Variants in DOK6 observed in about 807,000 individuals in gnomAD.
The protein encoded by DOK6 is downstream of tyrosine kinase 6.
A neutral mutation model predicts 44.0 loss-of-function variants in DOK6; 22 were observed. The observed-to-expected ratio is 0.50, with a 90% confidence interval of 0.36 to 0.71. The LOEUF is 0.71. Ranked by LOEUF, DOK6 falls within the 30% of genes least tolerant of loss-of-function variation. The probability of loss-of-function intolerance (pLI) is 0.00; values close to 1 mark genes in which losing one functional copy is unlikely to be tolerated. For missense variants in DOK6, 340 were observed against 416.4 expected, an observed-to-expected ratio of 0.82 and a Z score of 1.60; for synonymous variants, 166 against 145.5, an observed-to-expected ratio of 1.14 and a Z score of -1.01.
chr18:69,460,660 A>G (rs1398654695), intron 1 of DOK6, among the ~76,000 whole-genome samples: 1 of 152,240 alleles, frequency 6.6e-6, no homozygotes. Flanking sequence ...ACTCATTGGT[A>G]TGGTAAATTT....
intron 3 of DOK6, among the ~76,000 whole-genome samples, chr18:69,657,082 G>A (rs965976789): frequency 7.9e-5 from 12 of 152,172 alleles, no homozygotes; most frequent in Non-Finnish European, 1.5e-5. Flanking sequence ...ATGCAAATAC[G>A]TAGGTTTTTC....
rs142288386 is a variant in DOK6 at position 69,725,217 on chromosome 18, C to T, written c.600-13748C>T. On this transcript the variant is annotated intron_variant, in intron 5 of 7. Transcript: ENST00000382713. ...AACAAGCGTCAGAATCTTACTCATT[C>T]GGGCAGCTTTCCCGATCACCACCCG... Among the ~76,000 whole-genome samples the T allele has an allele frequency of 2.2e-3, 335 of 152,256 alleles. 3 individuals carry two copies. The highest frequency in any genetic ancestry group is 7.6e-3 in the African/African-American group (317 of 41,546).
At chr18:69,509,403 C>A (rs190751865) in intron 1 of DOK6, among the ~76,000 whole-genome samples, 1 of 151,998 alleles carries the variant, frequency 6.6e-6, no homozygotes, top group East Asian at 1.9e-4. Flanking sequence ...TTTGGGAGGC[C>A]AAGGCGGGCG....
In DOK6 at chr18:69,599,447, G is replaced by T; in HGVS notation, c.238G>T (p.Val80Leu). Residue 80 changes from valine to leucine, a missense_variant, in exon 3 of 8, where the codon GTG becomes TTG. Coordinates refer to ENST00000382713, the MANE Select transcript of DOK6 (RefSeq NM_152721.6). The stretch of plus-strand genomic sequence containing the variant: ...GCCCCGAGAGACAAAGAAGCATGCG[G>T]TGGCAATCATCTTTCACGATGAAAC... ...RLPRETKKHAVAIIFHDETSK... is the reference protein window; with the variant it reads ...RLPRETKKHALAIIFHDETSK... The T allele has an allele frequency of 6.2e-7, 1 of 1,613,970 alleles. No individual in the cohort carries two copies.
intron 4 of DOK6, among the ~76,000 whole-genome samples, chr18:69,691,566 G>A (rs1986268653): frequency 6.6e-6 from 1 of 152,160 alleles, no homozygotes; most frequent in Non-Finnish European, 1.5e-5. Context: ...CTGAGTTTGG[G>A]GAAGTAGTGG....
At chr18:69,717,402 A>G (rs1444207511) in intron 5 of DOK6, among the ~76,000 whole-genome samples, 1 of 152,248 alleles carries the variant, frequency 6.6e-6, no homozygotes, top group Admixed American at 6.5e-5. Context: ...ATGGTACTTA[A>G]TAAGTGCTTA....
intron 5 of DOK6, among the ~76,000 whole-genome samples, chr18:69,702,255 T>C (rs913601320): frequency 2.0e-5 from 3 of 151,728 alleles, no homozygotes; most frequent in Non-Finnish European, 4.4e-5. Context: ...ACTACTGATA[T>C]CTGTCCTGCA....
intron 2 of DOK6, among the ~76,000 whole-genome samples, chr18:69,568,134 A>G (rs557960277): frequency 1.3e-5 from 2 of 152,226 alleles, no homozygotes; most frequent in South Asian, 4.1e-4. Flanking sequence ...CCCATGTTCA[A>G]CTGCAAAACT....
intron 3 of DOK6, among the ~76,000 whole-genome samples, chr18:69,643,213 A>G (rs776948573): frequency 1.2e-4 from 19 of 152,246 alleles, no homozygotes; most frequent in Non-Finnish European, 1.3e-4. Flanking sequence ...AAACTATAGT[A>G]TAATATCCTC....
Position 69,843,776 on chromosome 18 carries a change from G to A in DOK6, c.*2393G>A, listed in dbSNP as rs1982288008. 1 of 152,234 alleles carries A rather than the reference G, an allele frequency of 6.6e-6. No homozygotes were observed. Among genetic ancestry groups the A allele is most frequent in the South Asian group, 2.1e-4 (1 of 4,826 alleles). 9.4% of individuals were successfully genotyped at this position (152,234 alleles called of 1,614,324 possible). On this transcript the variant is annotated 3_prime_UTR_variant, in exon 8 of 8. Coordinates refer to ENST00000382713, the MANE Select transcript of DOK6 (RefSeq NM_152721.6). ...GATGTCGTAAAAAGAGTATGTGTGA[G>A]AGAAATCTCCTTCCCAAGTTTTTAA...
chr18:69,415,599 T>A (rs2122397030), intron 1 of DOK6, among the ~76,000 whole-genome samples: 1 of 152,254 alleles, frequency 6.6e-6, no homozygotes, highest in East Asian at 1.9e-4. Flanking sequence ...CAAAGTCTGA[T>A]ACAGTGAGTG....
At chr18:69,603,726 G>A (rs1375551550) in intron 3 of DOK6, among the ~76,000 whole-genome samples, 9 of 135,684 alleles carry the variant, frequency 6.6e-5, no homozygotes, top group Admixed American at 4.4e-4. Flanking sequence ...AGCCGAGATC[G>A]CGCCACTGCA....
intron 4 of DOK6, among the ~76,000 whole-genome samples, chr18:69,694,056 G>A (rs112786992): frequency 5.2e-4 from 19 of 36,484 alleles, no homozygotes; most frequent in Non-Finnish European, 8.7e-4. Flanking sequence ...GAGACTCCGT[G>A]TCAAAAAAAA....
At chr18:69,536,860 T>G (rs1053312211) in intron 1 of DOK6, among the ~76,000 whole-genome samples, 2 of 151,996 alleles carry the variant, frequency 1.3e-5, no homozygotes, top group African/African-American at 2.4e-5. Context: ...CAATATCATG[T>G]AGCTGGTTAG....
intron 7 of DOK6, among the ~76,000 whole-genome samples, chr18:69,819,335 A>C (rs1416747913): frequency 6.6e-6 from 1 of 152,192 alleles, no homozygotes; most frequent in African/African-American, 2.4e-5. Context: ...TTTTAAACCC[A>C]AAATGTTTTG....
intron 7 of DOK6, among the ~76,000 whole-genome samples, chr18:69,834,564 G>T (rs191505380): frequency 7.1e-4 from 108 of 152,232 alleles, no homozygotes; most frequent in Non-Finnish European, 1.4e-3. Context: ...ATAAATGCTT[G>T]AGATGATGAA....
chr18:69,841,636 T>TA lies in DOK6; in HGVS notation c.*256dup. The TA allele has an allele frequency of 2.2e-6, 1 of 449,318 alleles. No homozygotes were observed. Among genetic ancestry groups the TA allele is most frequent in the Non-Finnish European group, 3.8e-6 (1 of 260,560 alleles). The allele number at this position is 449,318 out of a possible 1,614,324, so 27.8% of individuals were successfully genotyped here. A position where few individuals can be genotyped will look rare whatever the true frequency, so the allele number is the denominator to read the frequency against. On this transcript the variant is annotated 3_prime_UTR_variant, in exon 8 of 8. Coordinates refer to ENST00000382713, the MANE Select transcript of DOK6 (RefSeq NM_152721.6). ...AATCCAAATCGTATGAACAGTTATT[T>TA]AAATAAACAAAATTCTTTGGGTCTG...
At chr18:69,810,655 C>T (rs754225029) in intron 7 of DOK6, among the ~76,000 whole-genome samples, 1 of 150,948 alleles carries the variant, frequency 6.6e-6, no homozygotes, top group Non-Finnish European at 1.5e-5. Context: ...TTTTAATGGG[C>T]AAAGGTCCTG....
At chr18:69,662,908 T>C (rs1267270805) in intron 3 of DOK6, 1 of 152,232 alleles carries the variant, frequency 6.6e-6, no homozygotes, top group Non-Finnish European at 1.5e-5. Context: ...CAAGGTGACA[T>C]GTATTCACCT....
Sources: allele counts gnomAD v4.1 joint callset (sites outside exome capture counted in the v4.1 genomes callset), GRCh38; gene constraint gnomAD v4.1.1; transcripts MANE v1.5; gene names NCBI Gene and HGNC (gene_info 2026-07-23, HGNC 2026-07-21).